Variants in NT5C3A observed in about 807,000 individuals in gnomAD.
The protein encoded by NT5C3A is cytosolic 5'-nucleotidase 3A.
NT5C3A carries 23 observed loss-of-function variants against 40.0 expected under a neutral mutation model. The observed-to-expected ratio is 0.58, with a 90% CI of 0.41 to 0.81. The LOEUF is 0.81. NT5C3A is among the 40% of genes least tolerant of loss of function. The pLI is 0.00. For missense variants in NT5C3A, 328 were observed against 403.0 expected, an observed-to-expected ratio of 0.81 and a Z score of 1.59; for synonymous variants, 130 against 141.4, an observed-to-expected ratio of 0.92 and a Z score of 0.57.
chr7:33,062,754 C>T lies in NT5C3A; in HGVS notation c.-49G>A. On this transcript the variant is annotated 5_prime_UTR_variant, in exon 1 of 9. Coordinates refer to ENST00000610140, the MANE Select transcript of NT5C3A (RefSeq NM_001002010.5). ...AAGCAGGAAAAAAACAGGCAGCTCG[C>T]GTAGACTGCGAGTCTCGGAAGCGCG... The T allele has an allele frequency of 6.5e-7, 1 of 1,549,248 alleles. No homozygotes were observed. Among genetic ancestry groups the T allele is most frequent in the Non-Finnish European group, 8.7e-7 (1 of 1,146,510 alleles).
At chr7:33,038,986 G>A in intron 1 of NT5C3A, 1 of 433,460 alleles carries the variant, frequency 2.3e-6, no homozygotes, top group Admixed American at 2.7e-5. Flanking sequence ...ATGTGAACTG[G>A]AAAATGTGGA....
chr7:33,035,969 T>C (rs766146374), intron 1 of NT5C3A: 2 of 1,613,498 alleles, frequency 1.2e-6, no homozygotes, highest in Non-Finnish European at 1.7e-6. Context: ...TGATTAGTCA[T>C]TTCTTGGTTA....
At chr7:33,025,294 C>T (rs1208331433) in intron 2 of NT5C3A, among the ~76,000 whole-genome samples, 1 of 152,142 alleles carries the variant, frequency 6.6e-6, no homozygotes, top group Non-Finnish European at 1.5e-5. Context: ...GCAGTGGAAG[C>T]AATTCAACTA....
At chr7:33,061,815 G>A (rs995815046) in intron 1 of NT5C3A, among the ~76,000 whole-genome samples, 1 of 152,092 alleles carries the variant, frequency 6.6e-6, no homozygotes, top group Non-Finnish European at 1.5e-5. Context: ...CTTCCTGAGT[G>A]GGTTCTAATT....
At chr7:33,016,519 A>G (rs554419763) in intron 7 of NT5C3A, among the ~76,000 whole-genome samples, 8 of 151,446 alleles carry the variant, frequency 5.3e-5, no homozygotes, top group Admixed American at 4.6e-4. Flanking sequence ...GAAAACAAAA[A>G]TTAGCTGGGC....
chr7:33,059,027 A>C (rs969184279), intron 1 of NT5C3A, among the ~76,000 whole-genome samples: 3 of 152,168 alleles, frequency 2.0e-5, no homozygotes, highest in Non-Finnish European at 4.4e-5. Context: ...CTTCTTTTGG[A>C]AACATTTCCT....
chr7:33,023,595 C>A, intron 3 of NT5C3A: 1 of 192,608 alleles, frequency 5.2e-6, no homozygotes, highest in Non-Finnish European at 1.1e-5. Flanking sequence ...GTACTAAAAG[C>A]AAATGAGAGA....
At chr7:33,045,513 G>T (rs1278854206) in intron 1 of NT5C3A, among the ~76,000 whole-genome samples, 1 of 150,728 alleles carries the variant, frequency 6.6e-6, no homozygotes. Context: ...AGGCTGGAGT[G>T]CAGTGGCACG....
At chr7:33,023,527 G>A (rs557861446) in intron 3 of NT5C3A, among the ~76,000 whole-genome samples, 59 of 152,188 alleles carry the variant, frequency 3.9e-4, no homozygotes, top group African/African-American at 1.3e-3. Context: ...CCAAAATGCC[G>A]AGATTACAGG....
At position 33,021,946 on chromosome 7, in the gene NT5C3A, TA is replaced by T. The variant is rs1374487712; in HGVS notation, c.354+106del. 1.5e-5 allele frequency: 11 copies of T among 728,584 alleles called. No individual in the cohort carries two copies. In the African/African-American group the frequency reaches 1.9e-4, roughly 13 times the overall value. 45.1% of individuals were successfully genotyped at this position (728,584 alleles called of 1,614,324 possible). A position where few individuals can be genotyped will look rare whatever the true frequency, so the allele number is the denominator to read the frequency against. ...GCTTACTATGTGCCAGGTATGGCTG[TA>T]AGCACTTTACATCCATTCTTACTTC... On this transcript the variant is annotated intron_variant, in intron 4 of 8. Transcript: ENST00000610140.
intron 1 of NT5C3A, among the ~76,000 whole-genome samples, chr7:33,054,369 G>A (rs868422280): frequency 5.5e-4 from 80 of 145,336 alleles, no homozygotes; most frequent in African/African-American, 1.9e-3. Context: ...AAAAAAAAAA[G>A]AATTTAATGT....
intron 1 of NT5C3A, among the ~76,000 whole-genome samples, chr7:33,032,344 C>G (rs1786314944): frequency 6.7e-6 from 1 of 150,048 alleles, no homozygotes; most frequent in Admixed American, 6.7e-5. Flanking sequence ...ATTGCTTGAA[C>G]CCAGGAGGCG....
chr7:33,049,772 A>T (rs1489310278), intron 1 of NT5C3A, among the ~76,000 whole-genome samples: 1 of 151,976 alleles, frequency 6.6e-6, no homozygotes, highest in African/African-American at 2.4e-5. Flanking sequence ...GATCGAGACC[A>T]TCCTGGCTAA....
chr7:33,042,805 G>A (rs1299381743), intron 1 of NT5C3A, among the ~76,000 whole-genome samples: 2 of 152,126 alleles, frequency 1.3e-5, no homozygotes, highest in Non-Finnish European at 2.9e-5. Flanking sequence ...CAAAACTTTA[G>A]CTGCCAGGAC....
intron 1 of NT5C3A, among the ~76,000 whole-genome samples, chr7:33,060,550 T>C (rs977902979): frequency 6.6e-5 from 10 of 152,132 alleles, no homozygotes; most frequent in Non-Finnish European, 1.3e-4. Context: ...AACTTCCTCA[T>C]GTCTCTCAAT....
chr7:33,061,594 C>G (rs541495913), intron 1 of NT5C3A, among the ~76,000 whole-genome samples: 1 of 152,232 alleles, frequency 6.6e-6, no homozygotes, highest in East Asian at 1.9e-4. Flanking sequence ...TAGGACAAAT[C>G]GTGTCTTTCG....
chr7:33,051,812 G>C (rs775325501), intron 1 of NT5C3A, among the ~76,000 whole-genome samples: 1 of 152,052 alleles, frequency 6.6e-6, no homozygotes, highest in Non-Finnish European at 1.5e-5. Flanking sequence ...CATACCCAAA[G>C]CCTCTCTAGC....
intron 5 of NT5C3A, among the ~76,000 whole-genome samples, chr7:33,020,009 A>C (rs954199922): frequency 6.6e-6 from 1 of 152,206 alleles, no homozygotes; most frequent in Non-Finnish European, 1.5e-5. Context: ...TCTACACATA[A>C]AAACTCAACC....
chr7:33,052,397 T>C (rs1045015032), intron 1 of NT5C3A, among the ~76,000 whole-genome samples: 6 of 142,706 alleles, frequency 4.2e-5, no homozygotes, highest in African/African-American at 1.6e-4. Context: ...GCACCACGAG[T>C]ATCACTTGAA....
Sources: allele counts gnomAD v4.1 joint callset (sites outside exome capture counted in the v4.1 genomes callset), GRCh38; gene constraint gnomAD v4.1.1; transcripts MANE v1.5; gene names NCBI Gene and HGNC (gene_info 2026-07-23, HGNC 2026-07-21).